The following FMN1 variants were observed in gnomAD, a reference collection of about 807,000 sequenced individuals.
FMN1 encodes formin 1.
Under a neutral mutation model 132.4 loss-of-function variants are expected in FMN1, and 110 were observed. The ratio of observed to expected loss-of-function variants is 0.83; its 90% CI spans 0.71 to 0.97. The LOEUF (loss-of-function observed/expected upper bound fraction) is 0.97, where lower values mean the gene tolerates loss of function less well. Ranked by LOEUF, FMN1 falls within the 50% of genes least tolerant of loss-of-function variation. The pLI, the probability that FMN1 is intolerant of heterozygous loss-of-function variation, is 0.00. For synonymous variants in FMN1, 722 were observed against 651.7 expected (o/e 1.11, Z -1.64); for missense variants, 1,792 against 1,705.3 (o/e 1.05, Z -0.90).
At chr15:33,124,268 TGACA>T (rs1157830999) in intron 4 of FMN1, among the ~76,000 whole-genome samples, 2 of 151,996 alleles carry the variant, frequency 1.3e-5, no homozygotes, top group Admixed American at 1.3e-4. Flanking sequence ...AAAAACACAT[TGACA>T]TTCACTGTAG....
chr15:33,076,194 A>G (rs530734010), intron 5 of FMN1, among the ~76,000 whole-genome samples: 3 of 152,208 alleles, frequency 2.0e-5, no homozygotes, highest in Non-Finnish European at 4.4e-5. Context: ...GAGCTTTCCC[A>G]AAGTGAAGGC....
Position 32,765,548 on chromosome 15 carries a change from CA to C in FMN1, c.*8761del. On this transcript the variant is annotated 3_prime_UTR_variant, in exon 21 of 21. Coordinates refer to ENST00000616417, the MANE Select transcript of FMN1 (RefSeq NM_001277313.2). ...AAATCTGCATTGCACACCAGATGGA[CA>C]TGAAACCAAGATTTATTAAAATACC... The C allele has an allele frequency of 6.6e-6, 1 of 152,170 alleles. No individual in the cohort carries two copies. The highest frequency in any genetic ancestry group is 3.2e-3 in the Middle Eastern group (1 of 316). 9.4% of individuals were successfully genotyped at this position (152,170 alleles called of 1,614,324 possible). A position where few individuals can be genotyped will look rare whatever the true frequency, so the allele number is the denominator to read the frequency against.
At chr15:32,779,423 G>T (rs554117196) in intron 19 of FMN1, among the ~76,000 whole-genome samples, 1 of 152,200 alleles carries the variant, frequency 6.6e-6, no homozygotes, top group African/African-American at 2.4e-5. Flanking sequence ...TTAACTGTTT[G>T]TGAGGATGCA....
chr15:32,821,896 C>T (rs992649788), intron 17 of FMN1, among the ~76,000 whole-genome samples: 5 of 152,180 alleles, frequency 3.3e-5, no homozygotes, highest in Admixed American at 6.5e-5. Context: ...CATCCAATGC[C>T]TCATCCCATT....
At chr15:32,980,928 T>G (rs1223190911) in intron 7 of FMN1, among the ~76,000 whole-genome samples, 4 of 152,130 alleles carry the variant, frequency 2.6e-5, no homozygotes, top group Non-Finnish European at 2.9e-5. Flanking sequence ...GCATGGAAAT[T>G]GCTTGAACCC....
chr15:32,989,232 T>C (rs1449739917), intron 7 of FMN1, among the ~76,000 whole-genome samples: 1 of 152,196 alleles, frequency 6.6e-6, no homozygotes, highest in Non-Finnish European at 1.5e-5. Context: ...AGTGAAAGTT[T>C]ATGTCCGTCA....
intron 6 of FMN1, among the ~76,000 whole-genome samples, chr15:33,009,990 G>A (rs1006456939): frequency 2.0e-5 from 3 of 152,108 alleles, no homozygotes; most frequent in Non-Finnish European, 1.5e-5. Flanking sequence ...AAGTTCAAGC[G>A]ATTCTTCTGC....
At chr15:32,956,021 T>A (rs1284294514) in intron 9 of FMN1, among the ~76,000 whole-genome samples, 3 of 152,236 alleles carry the variant, frequency 2.0e-5, no homozygotes. Context: ...CAATACTCTG[T>A]GTGGGTAATT....
At position 33,172,910 on chromosome 15, in the gene FMN1, C is replaced by T. The variant is rs74533084; in HGVS notation, c.-132+7288G>A. On this transcript the variant is annotated intron_variant, in intron 3 of 20. Transcript: ENST00000616417. ...AAGGATAATGAATCAAAGAATGTGACTTTAGGAAGAAGAGAATAGGGAAGG... is the reference window on the plus strand; with the variant it reads ...AAGGATAATGAATCAAAGAATGTGATTTTAGGAAGAAGAGAATAGGGAAGG... Among the ~76,000 whole-genome samples, 896 of 152,184 alleles carry T rather than the reference C, an allele frequency of 5.9e-3. 5 individuals are homozygous for T. Among genetic ancestry groups the T allele is most frequent in the Non-Finnish European group, 7.8e-3 (528 of 68,022 alleles).
chr15:32,939,284 A>G (rs1470678), intron 9 of FMN1, among the ~76,000 whole-genome samples: 40,102 of 152,134 alleles, frequency 0.26, 5,434 homozygotes, highest in Non-Finnish European at 0.28. Context: ...TTTTATGTTC[A>G]TTATCAAATC....
At chr15:32,990,663 C>G (rs1364373045) in intron 7 of FMN1, among the ~76,000 whole-genome samples, 1 of 152,166 alleles carries the variant, frequency 6.6e-6, no homozygotes, top group Non-Finnish European at 1.5e-5. Flanking sequence ...AGTCTGTCCT[C>G]ACACTGCTGT....
intron 4 of FMN1, among the ~76,000 whole-genome samples, chr15:33,112,784 G>A (rs1357716626): frequency 6.6e-6 from 1 of 152,166 alleles, no homozygotes; most frequent in Non-Finnish European, 1.5e-5. Flanking sequence ...GGAAATGTGG[G>A]TTGCTAGGAA....
intron 4 of FMN1, among the ~76,000 whole-genome samples, chr15:33,089,741 C>G (rs1342836300): frequency 6.6e-6 from 1 of 152,196 alleles, no homozygotes; most frequent in Non-Finnish European, 1.5e-5. Flanking sequence ...TAAGCTAGGA[C>G]TTGAACCCAG....
At chr15:32,862,542 T>C (rs982886116) in intron 16 of FMN1, among the ~76,000 whole-genome samples, 1 of 152,166 alleles carries the variant, frequency 6.6e-6, no homozygotes, top group Non-Finnish European at 1.5e-5. Context: ...GCCTAGACTA[T>C]TTTAATATTT....
intron 16 of FMN1, among the ~76,000 whole-genome samples, chr15:32,876,813 G>A (rs1322436024): frequency 6.6e-6 from 1 of 152,210 alleles, no homozygotes; most frequent in African/African-American, 2.4e-5. Context: ...GCATTCGACA[G>A]ATTCATAATT....
intron 9 of FMN1, among the ~76,000 whole-genome samples, chr15:32,951,292 C>A (rs574074400): frequency 6.6e-6 from 1 of 152,236 alleles, no homozygotes; most frequent in African/African-American, 2.4e-5. Context: ...ACAAATAGAA[C>A]TAGAAAATGG....
At chr15:32,795,539 G>A (rs537470629) in intron 19 of FMN1, among the ~76,000 whole-genome samples, 2 of 151,572 alleles carry the variant, frequency 1.3e-5, no homozygotes, top group East Asian at 3.9e-4. Flanking sequence ...GTGACAATCG[G>A]GTTCCCAGTG....
intron 9 of FMN1, among the ~76,000 whole-genome samples, chr15:32,949,980 C>T (rs184534815): frequency 0.46 from 2,749 of 5,944 alleles, 805 homozygotes; most frequent in East Asian, 0.6. Flanking sequence ...CATATATATA[C>T]ACACACATAT....
chr15:32,990,765 T>A (rs2033385628), intron 7 of FMN1, among the ~76,000 whole-genome samples: 1 of 152,028 alleles, frequency 6.6e-6, no homozygotes, highest in Non-Finnish European at 1.5e-5. Context: ...AAACTTACAG[T>A]CGTGGTGGAA....
Sources: allele counts gnomAD v4.1 joint callset (sites outside exome capture counted in the v4.1 genomes callset), GRCh38; gene constraint gnomAD v4.1.1; transcripts MANE v1.5; gene names NCBI Gene and HGNC (gene_info 2026-07-23, HGNC 2026-07-21).